Variants in ARMC8 observed in about 807,000 individuals in gnomAD.
ARMC8 encodes the protein armadillo repeat-containing protein 8.
Under a neutral mutation model 99.3 loss-of-function variants are expected in ARMC8, and 20 were observed. That is an observed-to-expected ratio of 0.20 (90% CI 0.14 to 0.29). ARMC8 has a LOEUF of 0.29. ARMC8 is among the 10% of genes least tolerant of loss of function. The pLI is 1.00. For synonymous variants in ARMC8, 263 were observed against 278.3 expected (o/e 0.95, Z 0.55); for missense variants, 569 against 809.5 (o/e 0.70, Z 3.60).
chr3:138,276,065 A>T (rs984035163), intron 18 of ARMC8, among the ~76,000 whole-genome samples: 3 of 152,220 alleles, frequency 2.0e-5, no homozygotes, highest in African/African-American at 7.2e-5. Context: ...AAAGCGAAGC[A>T]AGACAGAAAG....
rs1560021981 is a variant in ARMC8 at position 138,270,052 on chromosome 3, T to G, written c.1399T>G (p.Ser467Ala). Residue 467 changes from serine (S) to alanine (A), a missense_variant, in exon 16 of 22, where the codon TCA becomes GCA. This residue lies in a region of ARMC8 where 227 missense variants were observed against 417.9 expected (regional missense o/e 0.54). Transcript: ENST00000469044. ...TGTCCAATGGCAGCCAATTTTGGAA[T>G]CAGGAGCCGTAGAGCTACTTTGTGG... ...FSPSKEPILE[S>A]GAVELLCGLT... The G allele has an allele frequency of 6.2e-7, 1 of 1,612,852 alleles. No homozygotes were observed. Among genetic ancestry groups the G allele is most frequent in the Non-Finnish European group, 8.5e-7 (1 of 1,179,226 alleles).
At chr3:138,248,722 C>T (rs564723211) in intron 12 of ARMC8, among the ~76,000 whole-genome samples, 19 of 152,126 alleles carry the variant, frequency 1.2e-4, no homozygotes, top group Non-Finnish European at 2.4e-4. Context: ...AAAGGATTAT[C>T]CTCTCTTACT....
intron 21 of ARMC8, among the ~76,000 whole-genome samples, chr3:138,291,449 A>G (rs1027785385): frequency 5.9e-5 from 9 of 152,192 alleles, no homozygotes; most frequent in Non-Finnish European, 1.0e-4. Context: ...TTCATCAGAT[A>G]TCTCTTTTGA....
At chr3:138,232,131 T>C (rs995123783) in intron 6 of ARMC8, among the ~76,000 whole-genome samples, 1 of 151,558 alleles carries the variant, frequency 6.6e-6, no homozygotes, top group Non-Finnish European at 1.5e-5. Flanking sequence ...CCACAATACC[T>C]GGCTAATTTT....
rs1392783995 is a variant in ARMC8, at chr3:138,284,415, C to T, written c.1726-16C>T. The T allele has an allele frequency of 1.9e-6, 3 of 1,603,276 alleles. No homozygotes were observed. Among genetic ancestry groups the T allele is most frequent in the Non-Finnish European group, 8.5e-7 (1 of 1,170,458 alleles). On this transcript the variant is annotated splice_polypyrimidine_tract_variant and intron_variant, in intron 18 of 21. Coordinates refer to ENST00000469044, the MANE Select transcript of ARMC8 (RefSeq NM_001363941.2). ...TTCAGAGCTTTCCTGACTGTTGGCC[C>T]TTTGTTCTTTTCCAGACACTGTGCA...
At chr3:138,280,427 C>T (rs766011909) in intron 18 of ARMC8, among the ~76,000 whole-genome samples, 30 of 151,662 alleles carry the variant, frequency 2.0e-4, no homozygotes, top group East Asian at 3.9e-4. Flanking sequence ...AGTCTATTCT[C>T]GTGCCTCAGC....
At chr3:138,205,507 C>T (rs1035241312) in intron 1 of ARMC8, among the ~76,000 whole-genome samples, 1 of 152,164 alleles carries the variant, frequency 6.6e-6, no homozygotes, top group African/African-American at 2.4e-5. Flanking sequence ...CTAGTCCATG[C>T]TACCATCATC....
At chr3:138,235,798 CTTTTTTTTTTTTT>C (rs71146120) in intron 7 of ARMC8, among the ~76,000 whole-genome samples, 11 of 80,540 alleles carry the variant, frequency 1.4e-4, no homozygotes, top group South Asian at 9.6e-4. Context: ...TCCTTTTAGT[CTTTTTTTTTTTTT>C]TTTTTTTTTT....
intron 12 of ARMC8, among the ~76,000 whole-genome samples, chr3:138,252,867 A>C (rs1315951353): frequency 6.6e-6 from 1 of 151,664 alleles, no homozygotes; most frequent in Non-Finnish European, 1.5e-5. Context: ...CCTGACCAGA[A>C]GAGGGAGAAG....
chr3:138,223,192 C>A (rs1047240753), intron 3 of ARMC8, among the ~76,000 whole-genome samples, 197 bp from the exon 4 acceptor site: 1 of 152,040 alleles, frequency 6.6e-6, no homozygotes, highest in Admixed American at 6.6e-5. Context: ...TATGATAGTT[C>A]TTTTTTTCAA....
At chr3:138,262,723 A>T in intron 12 of ARMC8, 4 of 887,234 alleles carry the variant, frequency 4.5e-6, no homozygotes, top group Non-Finnish European at 6.3e-6. Context: ...CTGCAAGGAC[A>T]ACCAAGGTTA....
Position 138,235,113 on chromosome 3 carries a change from A to T in ARMC8, c.608A>T (p.Lys203Ile). ...IAHLLTSLSYKVRMQALKCFS... is the reference protein window; with the variant it reads ...IAHLLTSLSYIVRMQALKCFS... The stretch of plus-strand genomic sequence containing the variant: ...CACCTACTAACCTCACTGTCCTACA[A>T]AGTAAGATGTTAAAAATTGTGGCCA... Residue 203 changes from lysine (K) to isoleucine (I), a missense_variant and splice_region_variant, in exon 7 of 22, where the codon AAA (lysine) becomes ATA (isoleucine). Coordinates refer to ENST00000469044, the MANE Select transcript of ARMC8 (RefSeq NM_001363941.2). 6.2e-7 allele frequency: 1 copy of T among 1,610,716 alleles called. No individual in the cohort carries two copies. The highest frequency in any genetic ancestry group is 8.5e-7 in the Non-Finnish European group (1 of 1,177,388).
chr3:138,251,166 CAA>C (rs879912592), intron 12 of ARMC8, among the ~76,000 whole-genome samples: 8 of 127,304 alleles, frequency 6.3e-5, no homozygotes, highest in Non-Finnish European at 8.4e-5. Flanking sequence ...AACCCTGTCT[CAA>C]AAAAAAAAAA....
intron 6 of ARMC8, among the ~76,000 whole-genome samples, chr3:138,234,190 C>T (rs71312572): frequency 6.6e-6 from 1 of 151,944 alleles, no homozygotes; most frequent in South Asian, 2.1e-4. Context: ...ACTGCAGCCT[C>T]CGCCTCCGCC....
intron 18 of ARMC8, among the ~76,000 whole-genome samples, chr3:138,282,510 T>A (rs768635097): frequency 6.6e-6 from 1 of 151,790 alleles, no homozygotes; most frequent in Non-Finnish European, 1.5e-5. Flanking sequence ...GCTGGGCGTG[T>A]GGCACACACT....
At chr3:138,263,958 C>T (rs2048003952) in intron 13 of ARMC8, 137 bp downstream of exon 13, 1 of 978,478 alleles carries the variant, frequency 1.0e-6, no homozygotes, top group South Asian at 1.4e-5. Context: ...GAGTATATAA[C>T]ATTGTCTAAC....
intron 1 of ARMC8, chr3:138,187,808 A>T (rs550551678): frequency 7.1e-4 from 399 of 562,018 alleles, no homozygotes; most frequent in Non-Finnish European, 9.4e-4. Context: ...CAACTCCGGG[A>T]GCTCCCGCCG....
At chr3:138,203,826 A>G (rs1215185467) in intron 1 of ARMC8, among the ~76,000 whole-genome samples, 1 of 152,242 alleles carries the variant, frequency 6.6e-6, no homozygotes, top group Non-Finnish European at 1.5e-5. Context: ...TGTTTTCCTG[A>G]ATAAATTTAC....
intron 7 of ARMC8, among the ~76,000 whole-genome samples, chr3:138,236,487 G>A (rs1246710629): frequency 6.6e-6 from 1 of 152,146 alleles, no homozygotes. Context: ...GTGGAAAGGG[G>A]ACTAGTCTGG....
Sources: allele counts gnomAD v4.1 joint callset (sites outside exome capture counted in the v4.1 genomes callset), GRCh38; gene constraint gnomAD v4.1.1; regional missense constraint gnomAD v4.1.1; transcripts MANE v1.5; gene names NCBI Gene and HGNC (gene_info 2026-07-23, HGNC 2026-07-21).